Variants in ZSCAN25 observed in about 807,000 individuals in gnomAD.
ZSCAN25 encodes the protein zinc finger and SCAN domain-containing protein 25.
In ZSCAN25, 27 loss-of-function variants were observed where a neutral mutation model predicts 38.7. The observed-to-expected ratio is 0.70, with a 90% confidence interval of 0.51 to 0.96. The LOEUF (loss-of-function observed/expected upper bound fraction) is 0.96. ZSCAN25 is among the 40% of genes least tolerant of loss of function. The pLI, the probability that ZSCAN25 is intolerant of heterozygous loss-of-function variation, is 0.00. For synonymous variants in ZSCAN25, 273 were observed against 277.7 expected (o/e 0.98, Z 0.17); for missense variants, 637 against 705.9 (o/e 0.90, Z 1.11).
At chr7:99,708,292 A>G in the ZSCAN25 span, among the ~76,000 whole-genome samples, 1 of 152,334 alleles carries the variant, frequency 6.6e-6, no homozygotes, top group African/African-American at 2.4e-5. Context: ...CACATAAGTG[A>G]TGAGAATGAC....
chr7:99,655,955 T>C, the ZSCAN25 span, among the ~76,000 whole-genome samples: 12 of 152,148 alleles, frequency 7.9e-5, no homozygotes, highest in Non-Finnish European at 1.5e-4. Context: ...GCTGAAGTTG[T>C]TTATCAGCTT....
the ZSCAN25 span, among the ~76,000 whole-genome samples, chr7:99,706,205 C>T: frequency 6.6e-6 from 1 of 152,172 alleles, no homozygotes; most frequent in Non-Finnish European, 1.5e-5. Flanking sequence ...TTTGACTCAA[C>T]TTTTCTTATT....
At chr7:99,643,142 G>A in the ZSCAN25 span, among the ~76,000 whole-genome samples, 4 of 151,974 alleles carry the variant, frequency 2.6e-5, no homozygotes, top group African/African-American at 9.7e-5. Flanking sequence ...TTATAGGATC[G>A]AGTTTACACT....
intron 6 of ZSCAN25, 109 bp downstream of exon 6, chr7:99,622,749 C>A: frequency 9.9e-7 from 1 of 1,005,494 alleles, no homozygotes; most frequent in South Asian, 1.5e-5. Context: ...CAAGTTGAGT[C>A]ATTCTCCCTT....
the ZSCAN25 span, among the ~76,000 whole-genome samples, chr7:99,737,931 C>T: frequency 3.3e-5 from 5 of 152,218 alleles, no homozygotes; most frequent in Non-Finnish European, 5.9e-5. Context: ...CTGAGAGCTG[C>T]ACTGACTGTG....
chr7:99,642,031 G>A, the ZSCAN25 span, among the ~76,000 whole-genome samples: 1 of 152,178 alleles, frequency 6.6e-6, no homozygotes, highest in Non-Finnish European at 1.5e-5. Flanking sequence ...GATCATGCCA[G>A]GCACGCTCCC....
the ZSCAN25 span, chr7:99,674,532 C>T: frequency 6.2e-7 from 1 of 1,613,300 alleles, no homozygotes; most frequent in East Asian, 2.2e-5. Context: ...AGAATACTCA[C>T]CCCCACATTT....
chr7:99,706,313 A>G, the ZSCAN25 span, among the ~76,000 whole-genome samples: 2 of 152,196 alleles, frequency 1.3e-5, no homozygotes, highest in Non-Finnish European at 2.9e-5. Context: ...CAGAAGTGCC[A>G]GCTTGGGACT....
At chr7:99,712,858 A>G in the ZSCAN25 span, among the ~76,000 whole-genome samples, 1 of 152,218 alleles carries the variant, frequency 6.6e-6, no homozygotes, top group South Asian at 2.1e-4. Flanking sequence ...TAAAAATCGT[A>G]CATGGGTTGT....
the ZSCAN25 span, among the ~76,000 whole-genome samples, chr7:99,657,730 A>C: frequency 2.6e-5 from 4 of 152,164 alleles, no homozygotes; most frequent in Admixed American, 2.6e-4. Flanking sequence ...CTCTCTTTGT[A>C]AGTCTCTAAA....
chr7:99,624,116 G>A lies in ZSCAN25; in HGVS notation c.741G>A (p.Val247=). ...TCCCTGAGGAGGAGTGGAGGCATGT[G>A]ACCCCAGCCCAGATAGACTGCTTTG... is the stretch of plus-strand genomic sequence containing the variant. ...LAFPEEEWRH[V]TPAQIDCFGE... Residue 247 remains valine, a synonymous_variant, in exon 7 of 8, where the codon GTG becomes GTA. Transcript: ENST00000394152. 1.2e-6 allele frequency: 2 copies of A among 1,614,144 alleles called. No homozygotes were observed. Among genetic ancestry groups the A allele is most frequent in the African/African-American group, 1.3e-5 (1 of 75,058 alleles).
chr7:99,622,543 G>T lies in ZSCAN25; in HGVS notation c.590-6G>T, dbSNP rs1807071499. The T allele has an allele frequency of 6.2e-7, 1 of 1,613,920 alleles. No homozygotes were observed. The highest frequency in any genetic ancestry group is 1.7e-5 in the Admixed American group (1 of 60,002). ...GATCTTTCTCATGCTTTTTGTCCCTGCTCAGCACTACCTGTTCTGCAGGCG... is the reference window on the plus strand; with the variant it reads ...GATCTTTCTCATGCTTTTTGTCCCTTCTCAGCACTACCTGTTCTGCAGGCG... On this transcript the variant is annotated splice_region_variant and splice_polypyrimidine_tract_variant and intron_variant, in intron 5 of 7. Transcript: ENST00000394152.
chr7:99,664,168 C>A, the ZSCAN25 span: 1 of 1,188,964 alleles, frequency 8.4e-7, no homozygotes. Context: ...TTATAATTTT[C>A]TCTACCAGTA....
intron 5 of ZSCAN25, 182 bp from the exon 6 acceptor site, chr7:99,622,367 G>A (rs1807054382): frequency 1.5e-6 from 1 of 658,326 alleles, no homozygotes; most frequent in East Asian, 2.8e-5. Flanking sequence ...GCTGAGAATA[G>A]GGCAAGGGAC....
the ZSCAN25 span, chr7:99,638,735 T>C: frequency 1.6e-6 from 2 of 1,239,364 alleles, no homozygotes; most frequent in East Asian, 2.3e-5. Context: ...ATTTCCTTGT[T>C]CCCGAAGATT....
chr7:99,690,309 A>G, the ZSCAN25 span, among the ~76,000 whole-genome samples: 2 of 152,256 alleles, frequency 1.3e-5, no homozygotes, highest in Admixed American at 1.3e-4. Context: ...GATGGATTAA[A>G]GACTTACATG....
chr7:99,715,237 C>G, the ZSCAN25 span: 2 of 175,278 alleles, frequency 1.1e-5, no homozygotes, highest in South Asian at 2.5e-4. Context: ...ATGTGATAGG[C>G]CAGAATGTCA....
At chr7:99,688,811 A>C in the ZSCAN25 span, among the ~76,000 whole-genome samples, 30 of 152,372 alleles carry the variant, frequency 2.0e-4, no homozygotes, top group African/African-American at 5.8e-4. Flanking sequence ...AATTATAACA[A>C]ACTGTCTCTC....
At chr7:99,621,186 G>A (rs1365193264) in intron 4 of ZSCAN25, 187 bp from the exon 5 acceptor site, 3 of 439,130 alleles carry the variant, frequency 6.8e-6, no homozygotes, top group Non-Finnish European at 1.1e-5. Flanking sequence ...AGGGCCTGAT[G>A]CATGAGTTTA....
Sources: allele counts gnomAD v4.1 joint callset (sites outside exome capture counted in the v4.1 genomes callset), GRCh38; gene constraint gnomAD v4.1.1; transcripts MANE v1.5; gene names NCBI Gene and HGNC (gene_info 2026-07-23, HGNC 2026-07-21).